Variants in PDE4B observed in about 807,000 individuals in gnomAD.
PDE4B encodes phosphodiesterase 4B.
PDE4B carries 20 observed loss-of-function variants against 82.2 expected under a neutral mutation model. The ratio of observed to expected loss-of-function variants is 0.24; its 90% CI spans 0.17 to 0.35. The LOEUF (loss-of-function observed/expected upper bound fraction) is 0.35, where lower values mean the gene tolerates loss of function less well. Among genes scored for constraint, PDE4B ranks in the 10% least tolerant of loss-of-function variants. PDE4B has a pLI of 1.00. For synonymous variants in PDE4B, 320 were observed against 318.9 expected, an observed-to-expected ratio of 1.00 and a Z score of -0.04; for missense variants, 655 against 907.2, an observed-to-expected ratio of 0.72 and a Z score of 3.57.
At chr1:66,222,722 T>C (rs957145771) in intron 3 of PDE4B, among the ~76,000 whole-genome samples, 6 of 152,206 alleles carry the variant, frequency 3.9e-5, no homozygotes, top group Non-Finnish European at 8.8e-5. Flanking sequence ...TTGTGAATTG[T>C]TGTAAGAATG....
chr1:66,218,789 A>G (rs1650719834), intron 3 of PDE4B, among the ~76,000 whole-genome samples: 1 of 152,122 alleles, frequency 6.6e-6, no homozygotes, highest in African/African-American at 2.4e-5. Flanking sequence ...CACTCTTAAC[A>G]CTTATTACAA....
chr1:66,107,520 C>CA (rs5774797), intron 3 of PDE4B, among the ~76,000 whole-genome samples: 6,365 of 147,858 alleles, frequency 0.043, 152 homozygotes, highest in East Asian at 0.082. Flanking sequence ...ACAAAACAAA[C>CA]AAAAAAAAAA....
At chr1:66,053,597 C>T (rs775002384) in intron 3 of PDE4B, among the ~76,000 whole-genome samples, 4 of 152,152 alleles carry the variant, frequency 2.6e-5, no homozygotes, top group African/African-American at 9.7e-5. Flanking sequence ...GTGGCTTACT[C>T]CTGTAATCCC....
chr1:66,356,661 T>C (rs1662272147), intron 9 of PDE4B, among the ~76,000 whole-genome samples: 2 of 152,254 alleles, frequency 1.3e-5, no homozygotes, highest in African/African-American at 4.8e-5. Context: ...GTTTTATTTC[T>C]AAAATCAATC....
At chr1:66,120,956 A>G (rs1019722844) in intron 3 of PDE4B, among the ~76,000 whole-genome samples, 13 of 152,198 alleles carry the variant, frequency 8.5e-5, no homozygotes, top group African/African-American at 1.4e-4. Flanking sequence ...CTACAAATGT[A>G]TATGCCCTTT....
chr1:65,836,188 C>T lies in PDE4B; in HGVS notation c.-71+42940C>T, dbSNP rs548122223. On this transcript the variant is annotated intron_variant, in intron 1 of 16. Transcript: ENST00000341517. ...AACTTCCTACCTCAGGTGATTCACCCGTCTCGGCCTCCCATGGTGCTGGGA... is the reference window on the plus strand; with the variant it reads ...AACTTCCTACCTCAGGTGATTCACCTGTCTCGGCCTCCCATGGTGCTGGGA... 2.0e-4 allele frequency among the ~76,000 whole-genome samples: 31 copies of T among 152,224 alleles called. 1 individual carries two copies. In the South Asian group the frequency reaches 4.4e-3, roughly 21 times the overall value.
intron 3 of PDE4B, among the ~76,000 whole-genome samples, chr1:66,238,049 T>C (rs1169129295): frequency 2.6e-5 from 4 of 152,210 alleles, no homozygotes; most frequent in Non-Finnish European, 5.9e-5. Context: ...GGAAGGAATT[T>C]TTTAGTAGAT....
chr1:65,948,843 C>T (rs1313874426), intron 3 of PDE4B, among the ~76,000 whole-genome samples: 1 of 152,060 alleles, frequency 6.6e-6, no homozygotes, highest in East Asian at 1.9e-4. Context: ...TTTTGGGTCA[C>T]AGAACTGGCT....
chr1:65,928,659 A>G (rs1261202739), intron 3 of PDE4B, among the ~76,000 whole-genome samples: 1 of 152,168 alleles, frequency 6.6e-6, no homozygotes, highest in Admixed American at 6.5e-5. Context: ...TCTATTTTGC[A>G]AGGCATTGGT....
intron 3 of PDE4B, among the ~76,000 whole-genome samples, chr1:66,087,968 T>C (rs1644925712): frequency 6.6e-6 from 1 of 151,564 alleles, no homozygotes; most frequent in Non-Finnish European, 1.5e-5. Flanking sequence ...TGTATACATG[T>C]GTAACTAACC....
At chr1:66,230,592 T>C (rs1651869930) in intron 3 of PDE4B, among the ~76,000 whole-genome samples, 3 of 152,226 alleles carry the variant, frequency 2.0e-5, no homozygotes, top group Admixed American at 1.3e-4. Context: ...TTTTCCAAGA[T>C]AGCAATGAGA....
At chr1:66,107,226 G>A (rs925595653) in intron 3 of PDE4B, among the ~76,000 whole-genome samples, 5 of 152,014 alleles carry the variant, frequency 3.3e-5, no homozygotes, top group African/African-American at 1.2e-4. Context: ...AGTTTGTTCA[G>A]TTTCCATGTA....
At chr1:65,916,718 C>T (rs995762356) in intron 2 of PDE4B, among the ~76,000 whole-genome samples, 5 of 151,692 alleles carry the variant, frequency 3.3e-5, no homozygotes, top group African/African-American at 1.2e-4. Flanking sequence ...ATTAGTTTTT[C>T]CCTTTAGCCT....
intron 3 of PDE4B, among the ~76,000 whole-genome samples, chr1:65,992,230 A>G (rs1651282096): frequency 6.6e-6 from 1 of 152,194 alleles, no homozygotes; most frequent in Non-Finnish European, 1.5e-5. Flanking sequence ...CCTGGATTTA[A>G]TCAGTTTTTA....
At chr1:66,208,696 C>T (rs542250748) in intron 3 of PDE4B, among the ~76,000 whole-genome samples, 1 of 152,196 alleles carries the variant, frequency 6.6e-6, no homozygotes, top group Admixed American at 6.5e-5. Flanking sequence ...TTAAATTGGA[C>T]TTATTCTATA....
intron 3 of PDE4B, among the ~76,000 whole-genome samples, chr1:65,985,926 C>T (rs542728383): frequency 1.3e-3 from 193 of 151,992 alleles, no homozygotes; most frequent in African/African-American, 3.7e-3. Flanking sequence ...TTTTGCACTG[C>T]GGCAGGAATG....
At chr1:66,348,794 T>TTA (rs1243117171) in intron 8 of PDE4B, among the ~76,000 whole-genome samples, 1 of 151,706 alleles carries the variant, frequency 6.6e-6, no homozygotes, top group Admixed American at 6.6e-5. Context: ...TTTATAAATA[T>TTA]TATATATATA....
At chr1:65,971,117 G>A (rs1223357840) in intron 3 of PDE4B, among the ~76,000 whole-genome samples, 1 of 151,412 alleles carries the variant, frequency 6.6e-6, no homozygotes, top group African/African-American at 2.4e-5. Context: ...ATAAGTAATT[G>A]TAGTGAGAGA....
At chr1:66,368,238 C>G in intron 15 of PDE4B, 173 bp downstream of exon 15, 1 of 584,434 alleles carries the variant, frequency 1.7e-6, no homozygotes, top group Non-Finnish European at 2.9e-6. Flanking sequence ...AGTTTATCTT[C>G]TAATTTATGA....
Sources: allele counts gnomAD v4.1 joint callset (sites outside exome capture counted in the v4.1 genomes callset), GRCh38; gene constraint gnomAD v4.1.1; transcripts MANE v1.5; gene names NCBI Gene and HGNC (gene_info 2026-07-23, HGNC 2026-07-21).